The following DLGAP1 variants were observed in gnomAD, a reference collection of about 807,000 sequenced individuals.
DLGAP1 encodes disks large-associated protein 1.
DLGAP1 carries 11 observed loss-of-function variants against 90.8 expected under a neutral mutation model. The ratio of observed to expected loss-of-function variants is 0.12; its 90% CI spans 0.08 to 0.20. The LOEUF is 0.20. Among genes scored for constraint, DLGAP1 ranks in the 10% least tolerant of loss-of-function variants. The probability of loss-of-function intolerance (pLI) is 1.00; values close to 1 mark genes in which losing one functional copy is unlikely to be tolerated. For synonymous variants in DLGAP1, 558 were observed against 540.7 expected (o/e 1.03, Z -0.44); for missense variants, 1,050 against 1,333.8 (o/e 0.79, Z 3.31).
chr18:4,455,243 G>C lies in DLGAP1; in HGVS notation c.-504C>G, dbSNP rs1401872435. 1 of 151,960 alleles carries C rather than the reference G, an allele frequency of 6.6e-6. No individual in the cohort carries two copies. The highest frequency in any genetic ancestry group is 1.5e-5 in the Non-Finnish European group (1 of 68,138). 9.4% of individuals were successfully genotyped at this position (151,960 alleles called of 1,614,324 possible). Reference sequence around the variant, plus strand: ...TGGAGATTGCGGCGCCCGAAGCGCAGCGCTCGCCTCTGGAGCGGAGGCTGA... The same window carrying C: ...TGGAGATTGCGGCGCCCGAAGCGCACCGCTCGCCTCTGGAGCGGAGGCTGA... On this transcript the variant is annotated 5_prime_UTR_variant, in exon 1 of 13. Coordinates refer to ENST00000315677, the MANE Select transcript of DLGAP1 (RefSeq NM_004746.4).
At chr18:4,099,768 A>G (rs1486983229) in intron 2 of DLGAP1, among the ~76,000 whole-genome samples, 1 of 151,068 alleles carries the variant, frequency 6.6e-6, no homozygotes, top group Non-Finnish European at 1.5e-5. Flanking sequence ...CAGTGGTGCA[A>G]TCATGGCTCA....
chr18:4,189,170 G>T (rs976724775), intron 1 of DLGAP1, among the ~76,000 whole-genome samples: 5 of 152,066 alleles, frequency 3.3e-5, no homozygotes, highest in Admixed American at 2.0e-4. Context: ...ACTAGGGCCT[G>T]CTTGTTACCA....
chr18:3,978,676 G>A (rs2073654723), intron 3 of DLGAP1: 1 of 155,728 alleles, frequency 6.4e-6, no homozygotes, highest in Non-Finnish European at 1.4e-5. Flanking sequence ...CAAATGGGAG[G>A]AGCAGAGAGC....
At chr18:4,212,477 C>T (rs2077863356) in intron 1 of DLGAP1, among the ~76,000 whole-genome samples, 1 of 149,458 alleles carries the variant, frequency 6.7e-6, no homozygotes. Flanking sequence ...AGCAGCCTGG[C>T]CAACATGGTG....
chr18:4,220,460 G>A (rs1044890022), intron 1 of DLGAP1, among the ~76,000 whole-genome samples: 10 of 152,110 alleles, frequency 6.6e-5, no homozygotes, highest in African/African-American at 1.7e-4. Flanking sequence ...GCACAGGTGG[G>A]GAAATCAGAA....
intron 2 of DLGAP1, among the ~76,000 whole-genome samples, chr18:4,047,634 T>A (rs1193506593): frequency 6.6e-6 from 1 of 152,174 alleles, no homozygotes; most frequent in Non-Finnish European, 1.5e-5. Flanking sequence ...TTTAGTCCAT[T>A]TGTATCAGAT....
intron 1 of DLGAP1, among the ~76,000 whole-genome samples, chr18:4,443,113 C>G (rs1268333501): frequency 6.6e-6 from 1 of 152,200 alleles, no homozygotes; most frequent in Non-Finnish European, 1.5e-5. Flanking sequence ...GTCTATAACT[C>G]CTAACTTAAT....
intron 2 of DLGAP1, among the ~76,000 whole-genome samples, chr18:4,019,388 A>G (rs1014138344): frequency 5.3e-5 from 8 of 152,128 alleles, no homozygotes; most frequent in Non-Finnish European, 1.0e-4. Flanking sequence ...GTCGCTTAAG[A>G]TTTATCTGAT....
At chr18:3,572,146 T>C (rs1039762960) in intron 8 of DLGAP1, among the ~76,000 whole-genome samples, 2 of 146,764 alleles carry the variant, frequency 1.4e-5, no homozygotes, top group African/African-American at 5.0e-5. Flanking sequence ...TGGCGCGATC[T>C]CGGCTCACCG....
At chr18:3,616,738 A>C (rs1421041793) in intron 7 of DLGAP1, among the ~76,000 whole-genome samples, 1 of 152,086 alleles carries the variant, frequency 6.6e-6, no homozygotes, top group Non-Finnish European at 1.5e-5. Context: ...TAGGCGGCAG[A>C]GGGAGACCCT....
At chr18:3,628,616 A>G (rs2058404446) in intron 7 of DLGAP1, among the ~76,000 whole-genome samples, 1 of 152,176 alleles carries the variant, frequency 6.6e-6, no homozygotes, top group Non-Finnish European at 1.5e-5. Flanking sequence ...CTCCTATCCC[A>G]GAAGTAACTA....
intron 1 of DLGAP1, among the ~76,000 whole-genome samples, chr18:4,301,078 A>G (rs2080113853): frequency 6.6e-6 from 1 of 152,204 alleles, no homozygotes; most frequent in Non-Finnish European, 1.5e-5. Flanking sequence ...GAATAATTAA[A>G]TCAGACCAAT....
At chr18:3,920,958 C>T (rs1224746450) in intron 3 of DLGAP1, among the ~76,000 whole-genome samples, 1 of 152,198 alleles carries the variant, frequency 6.6e-6, no homozygotes, top group Admixed American at 6.5e-5. Context: ...TCAACAACAG[C>T]TCTCGCCATC....
At chr18:4,373,017 C>T (rs2081948994) in intron 1 of DLGAP1, among the ~76,000 whole-genome samples, 1 of 152,086 alleles carries the variant, frequency 6.6e-6, no homozygotes. Flanking sequence ...CTGTGTACAG[C>T]TGAGGCACTG....
chr18:3,576,614 G>A (rs889352318), intron 8 of DLGAP1, among the ~76,000 whole-genome samples: 3 of 151,044 alleles, frequency 2.0e-5, no homozygotes, highest in African/African-American at 7.3e-5. Flanking sequence ...GCCCAGGCTG[G>A]AGTGCAATGG....
intron 9 of DLGAP1, among the ~76,000 whole-genome samples, chr18:3,562,105 T>C (rs1307089082): frequency 6.6e-6 from 1 of 152,020 alleles, no homozygotes; most frequent in African/African-American, 2.4e-5. Context: ...CGGGCACCTG[T>C]AATCCCAGCT....
chr18:3,993,682 G>A (rs1294941757), intron 3 of DLGAP1, among the ~76,000 whole-genome samples: 1 of 152,154 alleles, frequency 6.6e-6, no homozygotes, highest in Non-Finnish European at 1.5e-5. Flanking sequence ...GGGATGACGA[G>A]TTTAGCAGGG....
rs372627224 is a variant in DLGAP1, at chr18:4,080,288, TA to T, written c.-159+70891del. ...ATGAAATTTTATCAGTGATAACTAA[TA>T]AATCATTTCTTAATGATAACGCTAT... On this transcript the variant is annotated intron_variant, in intron 2 of 12. Coordinates refer to ENST00000315677, the MANE Select transcript of DLGAP1 (RefSeq NM_004746.4). 9.8e-5 allele frequency among the ~76,000 whole-genome samples: 15 copies of T among 152,362 alleles called. No homozygotes were observed. The East Asian group carries it at 1.9e-3, about 20-fold the overall frequency.
At chr18:3,750,894 C>A (rs2063470548) in intron 5 of DLGAP1, among the ~76,000 whole-genome samples, 1 of 152,142 alleles carries the variant, frequency 6.6e-6, no homozygotes, top group African/African-American at 2.4e-5. Context: ...GGTGTTAGAA[C>A]CTCTATTTAG....
Sources: allele counts gnomAD v4.1 joint callset (sites outside exome capture counted in the v4.1 genomes callset), GRCh38; gene constraint gnomAD v4.1.1; transcripts MANE v1.5; gene names NCBI Gene and HGNC (gene_info 2026-07-23, HGNC 2026-07-21).